SPTB: variants seen among roughly 807,000 people sequenced by gnomAD.
The protein encoded by SPTB is spectrin beta chain, erythrocytic.
SPTB carries 45 observed loss-of-function variants against 256.2 expected under a neutral mutation model. The ratio of observed to expected loss-of-function variants is 0.18; its 90% CI spans 0.14 to 0.23. The LOEUF (loss-of-function observed/expected upper bound fraction) is 0.23, where lower values mean the gene tolerates loss of function less well. Among genes scored for constraint, SPTB ranks in the 10% least tolerant of loss-of-function variants. The pLI is 1.00. For synonymous variants in SPTB, 1,231 were observed against 1,243.1 expected, an observed-to-expected ratio of 0.99 and a Z score of 0.21; for missense variants, 2,715 against 3,040.4, an observed-to-expected ratio of 0.89 and a Z score of 2.52.
intron 33 of SPTB, chr14:64,752,250 T>G: frequency 7.4e-7 from 1 of 1,347,142 alleles, no homozygotes; most frequent in South Asian, 1.2e-5. Flanking sequence ...AGCAACAGAC[T>G]CTGTTTCCTC....
At chr14:64,770,636 A>G (rs930502255) in intron 27 of SPTB, among the ~76,000 whole-genome samples, 10 of 152,182 alleles carry the variant, frequency 6.6e-5, no homozygotes, top group African/African-American at 2.4e-4. Flanking sequence ...GAGAACCTGA[A>G]TGACAGATGT....
Position 64,782,406 on chromosome 14 carries a change from G to C in SPTB, c.4150C>G (p.Arg1384Gly). ...TTGAGGTCAGCATGGGTCTGCAAGC[G>C]CAGGTCGGAGCTCCTGGCAGCCGAG... ...HLSAARSSDL[R>G]LQTHADLNKW... The change falls in exon 20 of 36, where the codon CGC becomes GGC. Residue 1384 changes from arginine (R) to glycine (G), a missense_variant. Arg to Gly is a moderately radical substitution (Grantham distance 125). Around this residue, in one of 4 missense-constraint regions of SPTB, gnomAD observed 2,239 missense variants for 2,384.4 expected, o/e 0.94. Transcript: ENST00000644917. 3.7e-6 allele frequency: 6 copies of C among 1,614,150 alleles called. No homozygotes were observed. Among genetic ancestry groups the C allele is most frequent in the Non-Finnish European group, 5.1e-6 (6 of 1,180,040 alleles).
intron 29 of SPTB, chr14:64,768,170 T>C (rs1319173885): frequency 2.3e-6 from 1 of 442,922 alleles, no homozygotes; most frequent in Non-Finnish European, 4.2e-6. Flanking sequence ...GCCTACCAAG[T>C]GGCTGGGACT....
At chr14:64,767,615 G>A in intron 30 of SPTB, 48 bp downstream of exon 30, 1 of 1,607,880 alleles carries the variant, frequency 6.2e-7, no homozygotes, top group Non-Finnish European at 8.5e-7. Context: ...GACCCCTGGG[G>A]GCACAGTTGC....
rs2082768701 is a variant in SPTB at position 64,796,361 on chromosome 14, T to G, written c.1341+196A>C. Among the ~76,000 whole-genome samples, 1 of 152,100 alleles carries G rather than the reference T, an allele frequency of 6.6e-6. No individual in the cohort carries two copies. Among genetic ancestry groups the G allele is most frequent in the Admixed American group, 6.5e-5 (1 of 15,280 alleles). Reference sequence around the variant, plus strand: ...GCCAGTTCTAGACTCCAAGGCTCTTTCCTAAAAATGAGATTTAATAAATCC... The same window carrying G: ...GCCAGTTCTAGACTCCAAGGCTCTTGCCTAAAAATGAGATTTAATAAATCC... On this transcript the variant is annotated intron_variant, in intron 11 of 35. Transcript: ENST00000644917. This position sits in a 1 kb window ranked among gnomAD's most constrained non-coding sequence, Gnocchi z 4.1.
At position 64,798,182 on chromosome 14, in the gene SPTB, A is replaced by C. The variant is rs538938402; in HGVS notation, c.1065-336T>G. Reference sequence around the variant, plus strand: ...TCAAGTTGTACGGATCAATACAAAAAAAATTTTAAAAAACCTTCTCTGTGC... The same window carrying C: ...TCAAGTTGTACGGATCAATACAAAACAAATTTTAAAAAACCTTCTCTGTGC... On this transcript the variant is annotated intron_variant, in intron 9 of 35. Coordinates refer to ENST00000644917, the MANE Select transcript of SPTB (RefSeq NM_001355436.2). Among the ~76,000 whole-genome samples, 5 of 152,336 alleles carry C rather than the reference A, an allele frequency of 3.3e-5. No homozygotes were observed. The East Asian group carries it at 9.6e-4, about 29-fold the overall frequency.
chr14:64,852,532 G>C lies in SPTB; in HGVS notation c.-52+27260C>G, dbSNP rs976222822. Among the ~76,000 whole-genome samples the C allele has an allele frequency of 6.6e-6, 1 of 152,212 alleles. No homozygotes were observed. The highest frequency in any genetic ancestry group is 6.5e-5 in the Admixed American group (1 of 15,286). On this transcript the variant is annotated intron_variant, in intron 1 of 35. Transcript: ENST00000644917. This position sits in a 1 kb window ranked among gnomAD's most constrained non-coding sequence, Gnocchi z 4.2. ...TTACAGGCAGGGAACTGATTAGGAT[G>C]TCACTGCAGTAACTGAGACAAGAGA...
rs1343483831 is a variant in SPTB at position 64,785,764 on chromosome 14, T to C, written c.3749A>G (p.Gln1250Arg). Residue 1250 changes from glutamine to arginine, a missense_variant, in exon 17 of 36, where the codon CAG (glutamine) becomes CGG (arginine). By Grantham distance (43) the Gln-to-Arg change is conservative (BLOSUM62 1). This residue lies in a region of SPTB where 2,239 missense variants were observed against 2,384.4 expected (regional missense o/e 0.94). Transcript: ENST00000644917. This position sits in a 1 kb window ranked among gnomAD's most constrained non-coding sequence, Gnocchi z 4.4. ...LYSDKIKEKVQLIEDRHRKNN... is the reference protein window; with the variant it reads ...LYSDKIKEKVRLIEDRHRKNN... ...CCGGGAGTACCTGTCCTCAATCAGC[T>C]GCACCTTCTCCTTGATCTTGTCTGA... is the stretch of plus-strand genomic sequence containing the variant. The C allele has an allele frequency of 6.2e-7, 1 of 1,614,096 alleles. No individual in the cohort carries two copies.
Position 64,858,200 on chromosome 14 carries a change from C to T in SPTB, c.-52+21592G>A, listed in dbSNP as rs558033462. Among the ~76,000 whole-genome samples the T allele has an allele frequency of 5.9e-5, 9 of 152,212 alleles. No individual in the cohort carries two copies. The South Asian group carries it at 1.5e-3, about 25-fold the overall frequency. ...TTCTACTACAAATGAAGTCACCTCA[C>T]GAGGAACGGAAATTTACTACTCACG... On this transcript the variant is annotated intron_variant, in intron 1 of 35. Transcript: ENST00000644917.
rs2081920643 is a variant in SPTB, at chr14:64,750,041, C to T, written c.6716G>A (p.Arg2239Lys). Residue 2239 changes from arginine (R) to lysine (K), a missense_variant, in exon 34 of 36, where the codon AGA (arginine) becomes AAA (lysine). Transcript: ENST00000644917. ...GGCAGCAATCTCACAGATGGCATGT[C>T]TCAGGGCCAGGGGTTCCTCCCCATG... Reference protein sequence around the residue: ...PYHGEEPLALRHAICEIAANY... With the variant: ...PYHGEEPLALKHAICEIAANY... 1.6e-5 allele frequency: 26 copies of T among 1,614,078 alleles called. No homozygotes were observed. Among genetic ancestry groups the T allele is most frequent in the Non-Finnish European group, 2.1e-5 (25 of 1,180,038 alleles).
intron 1 of SPTB, among the ~76,000 whole-genome samples, chr14:64,842,006 C>A (rs536806487): frequency 3.9e-5 from 6 of 152,224 alleles, no homozygotes; most frequent in African/African-American, 1.4e-4. Context: ...CATGTCAGTG[C>A]CTTACCAATA....
intron 32 of SPTB, chr14:64,766,294 G>T: frequency 2.6e-6 from 2 of 775,478 alleles, no homozygotes; most frequent in Non-Finnish European, 3.4e-6. Flanking sequence ...GTGTGGGCAT[G>T]TGCCTGTGTG....
chr14:64,852,225 A>G lies in SPTB; in HGVS notation c.-52+27567T>C, dbSNP rs230718. 0.14 allele frequency among the ~76,000 whole-genome samples: 20,671 copies of G among 151,988 alleles called. 2,396 individuals carry two copies. The highest frequency in any genetic ancestry group is 0.31 in the African/African-American group (12,713 of 41,370). ...TGGGAGGAACAGGAGTTATCCAGGCACACTTGGGGGTGATGGAGAAGTGGA... is the reference window on the plus strand; with the variant it reads ...TGGGAGGAACAGGAGTTATCCAGGCGCACTTGGGGGTGATGGAGAAGTGGA... On this transcript the variant is annotated intron_variant, in intron 1 of 35. Transcript: ENST00000644917. The surrounding 1 kb of genome is among the most constrained non-coding windows in gnomAD (Gnocchi z 4.2).
At chr14:64,799,677 C>T in intron 9 of SPTB, 70 bp downstream of exon 9, 1 of 1,582,354 alleles carries the variant, frequency 6.3e-7, no homozygotes, top group South Asian at 1.1e-5. Flanking sequence ...GGCCCAGAAC[C>T]TGGCTCTACC....
At position 64,760,027 on chromosome 14, in the gene SPTB, A is replaced by G. The variant is rs1453346831; in HGVS notation, c.6346-6234T>C. On this transcript the variant is annotated intron_variant, in intron 32 of 35. Transcript: ENST00000644917. The surrounding 1 kb of genome is among the most constrained non-coding windows in gnomAD (Gnocchi z 4.3). ...CAGAGGAGGGCAGGGGACAAGCAGCATTGGTTGCTGGTTGACAGGGATCAG... is the reference window on the plus strand; with the variant it reads ...CAGAGGAGGGCAGGGGACAAGCAGCGTTGGTTGCTGGTTGACAGGGATCAG... 2.6e-5 allele frequency among the ~76,000 whole-genome samples: 4 copies of G among 152,120 alleles called. No individual in the cohort carries two copies. The highest frequency in any genetic ancestry group is 9.7e-5 in the African/African-American group (4 of 41,396).
rs192618182 is a variant in SPTB, at chr14:64,767,337, G to A, written c.6235C>T (p.Arg2079Cys). The A allele has an allele frequency of 1.5e-4, 246 of 1,613,934 alleles. No individual in the cohort carries two copies. The highest frequency in any genetic ancestry group is 5.5e-4 in the South Asian group (50 of 91,090). ...EKPTTLELKERQIAERPAEET... is the reference protein window; with the variant it reads ...EKPTTLELKECQIAERPAEET... ...TCTGCGGGTCTCTCTGCAATCTGGC[G>A]TTCTTTCAGCTCAAGCTAGAGGAGG... Residue 2079 changes from arginine (R) to cysteine (C), a missense_variant, in exon 31 of 36, where the codon CGC becomes TGC. By Grantham distance (180) the Arg-to-Cys change is radical (BLOSUM62 -3). This residue lies in a region of SPTB where 2,239 missense variants were observed against 2,384.4 expected (regional missense o/e 0.94). Transcript: ENST00000644917.
At chr14:64,869,101 G>A (rs1882365329) in intron 1 of SPTB, among the ~76,000 whole-genome samples, 1 of 151,792 alleles carries the variant, frequency 6.6e-6, no homozygotes, top group African/African-American at 2.4e-5. Flanking sequence ...CAGGCACAGT[G>A]GTTCAAAGCA....
intron 1 of SPTB, among the ~76,000 whole-genome samples, chr14:64,857,073 C>T (rs558986175): frequency 4.1e-4 from 62 of 152,136 alleles, no homozygotes; most frequent in Non-Finnish European, 7.5e-4. Context: ...CCAAGTAACC[C>T]CAGAATGCTG....
Position 64,760,958 on chromosome 14 carries a change from C to T in SPTB, c.6345+5768G>A, listed in dbSNP as rs748571232. On this transcript the variant is annotated intron_variant, in intron 32 of 35. Coordinates refer to ENST00000644917, the MANE Select transcript of SPTB (RefSeq NM_001355436.2). The surrounding 1 kb of genome is among the most constrained non-coding windows in gnomAD (Gnocchi z 4.3). Reference sequence around the variant, plus strand: ...CTCACTCCAGAGGAAAGCACCTGCCCGATGGGGTTCACAGTCTAAATGAGA... The same window carrying T: ...CTCACTCCAGAGGAAAGCACCTGCCTGATGGGGTTCACAGTCTAAATGAGA... Among the ~76,000 whole-genome samples the T allele has an allele frequency of 6.6e-6, 1 of 152,168 alleles. No individual in the cohort carries two copies. Among genetic ancestry groups the T allele is most frequent in the Non-Finnish European group, 1.5e-5 (1 of 68,020 alleles).
Sources: allele counts gnomAD v4.1 joint callset (sites outside exome capture counted in the v4.1 genomes callset), GRCh38; gene constraint gnomAD v4.1.1; regional missense constraint gnomAD v4.1.1; non-coding constraint Gnocchi (gnomAD v3.1); transcripts MANE v1.5; gene names NCBI Gene and HGNC (gene_info 2026-07-23, HGNC 2026-07-21).